PAK2: variants seen among roughly 807,000 people sequenced by gnomAD.
The protein encoded by PAK2 is p21 (RAC1) activated kinase 2.
Under a neutral mutation model 65.9 loss-of-function variants are expected in PAK2, and 21 were observed. The ratio of observed to expected loss-of-function variants is 0.32; its 90% CI spans 0.23 to 0.46. The LOEUF is 0.46. Among genes scored for constraint, PAK2 ranks in the 20% least tolerant of loss-of-function variants. The probability of loss-of-function intolerance (pLI) is 1.00; values close to 1 mark genes in which losing one functional copy is unlikely to be tolerated. For missense variants in PAK2, 324 were observed against 642.6 expected, an observed-to-expected ratio of 0.50 and a Z score of 5.36; for synonymous variants, 204 against 219.7, an observed-to-expected ratio of 0.93 and a Z score of 0.63.
intron 1 of PAK2, among the ~76,000 whole-genome samples, chr3:196,769,449 A>T (rs1233230860): frequency 6.6e-6 from 1 of 152,002 alleles, no homozygotes; most frequent in Non-Finnish European, 1.5e-5. Context: ...GGTGGCATTA[A>T]GTATATTCAA....
intron 8 of PAK2, among the ~76,000 whole-genome samples, chr3:196,811,194 C>A: frequency 1.3e-5 from 1 of 79,250 alleles, no homozygotes; most frequent in Non-Finnish European, 2.6e-5. Context: ...CATATGAATT[C>A]CTTCCTCCCT....
At chr3:196,766,064 T>C (rs928584907) in intron 1 of PAK2, among the ~76,000 whole-genome samples, 2 of 151,912 alleles carry the variant, frequency 1.3e-5, no homozygotes, top group African/African-American at 4.8e-5. Context: ...GCCCACCTAG[T>C]TTTTGTACTT....
At chr3:196,815,806 A>G (rs114899852) in intron 11 of PAK2, among the ~76,000 whole-genome samples, 9,153 of 151,900 alleles carry the variant, frequency 0.06, 325 homozygotes, top group Admixed American at 0.095. Context: ...AAGAGAAAGA[A>G]ATACGCCACT....
chr3:196,819,222 G>T (rs1248611413), intron 12 of PAK2, among the ~76,000 whole-genome samples: 3 of 152,102 alleles, frequency 2.0e-5, no homozygotes, highest in East Asian at 1.9e-4. Context: ...CAGGTGGATT[G>T]CTTGAGCCCA....
chr3:196,766,238 G>C (rs1460429582), intron 1 of PAK2, among the ~76,000 whole-genome samples: 2 of 151,966 alleles, frequency 1.3e-5, no homozygotes, highest in Admixed American at 1.3e-4. Flanking sequence ...TCAAAACTTA[G>C]TACCTTCTCA....
chr3:196,747,994 T>C (rs1713448166), intron 1 of PAK2, among the ~76,000 whole-genome samples: 2 of 152,146 alleles, frequency 1.3e-5, no homozygotes, highest in South Asian at 4.1e-4. Context: ...CTTCAGTGTG[T>C]TTATTTTCCT....
intron 2 of PAK2, among the ~76,000 whole-genome samples, chr3:196,796,027 AG>A (rs2108751702): frequency 1.3e-5 from 2 of 152,328 alleles, no homozygotes; most frequent in South Asian, 4.1e-4. Context: ...TCGCGTGTGC[AG>A]TCCACAGTAG....
At chr3:196,751,458 G>A (rs1285122389) in intron 1 of PAK2, among the ~76,000 whole-genome samples, 1 of 151,392 alleles carries the variant, frequency 6.6e-6, no homozygotes, top group Non-Finnish European at 1.5e-5. Context: ...GACCAGCCTG[G>A]CCAACATGCT....
chr3:196,808,557 C>CA lies in PAK2; in HGVS notation c.709+661dup, dbSNP rs1208200034. Among the ~76,000 whole-genome samples, 447 of 56,450 alleles carry CA rather than the reference C, an allele frequency of 7.9e-3. 11 individuals are homozygous for CA. Among genetic ancestry groups the CA allele is most frequent in the South Asian group, 0.022 (35 of 1,556 alleles). 37.0% of individuals were successfully genotyped at this position (56,450 alleles called of 152,430 possible). A position where few individuals can be genotyped will look rare whatever the true frequency, so the allele number is the denominator to read the frequency against. On this transcript the variant is annotated intron_variant, in intron 7 of 14. Coordinates refer to ENST00000327134, the MANE Select transcript of PAK2 (RefSeq NM_002577.4). ...GCCTGGCAACAGTGAGACTCCATCT[C>CA]AAAAAAAAAAAAAAAAAAGCGAACC...
Position 196,828,911 on chromosome 3 carries a change from T to G in PAK2, c.*506T>G, listed in dbSNP as rs1313912634. On this transcript the variant is annotated 3_prime_UTR_variant, in exon 15 of 15. Coordinates refer to ENST00000327134, the MANE Select transcript of PAK2 (RefSeq NM_002577.4). Reference sequence around the variant, plus strand: ...GTAATAGAAATTATGTAGCTCCTTATGTTGGCAAAGGAGCTCTATATAGTT... The same window carrying G: ...GTAATAGAAATTATGTAGCTCCTTAGGTTGGCAAAGGAGCTCTATATAGTT... 1 of 155,122 alleles carries G rather than the reference T, an allele frequency of 6.4e-6. No individual in the cohort carries two copies. Among genetic ancestry groups the G allele is most frequent in the Non-Finnish European group, 1.4e-5 (1 of 69,966 alleles). The allele number at this position is 155,122 out of a possible 1,614,324, so 9.6% of individuals were successfully genotyped here.
rs150476283 is a variant in PAK2, at chr3:196,756,874, G to A, written c.-22+16717G>A. Among the ~76,000 whole-genome samples the A allele has an allele frequency of 2.4e-3, 372 of 152,284 alleles. 6 individuals are homozygous for A. The highest frequency in any genetic ancestry group is 8.8e-3 in the African/African-American group (364 of 41,564). ...AGAAACAAAATGCTTATTCCTTGGT[G>A]CTGCAATGAAATAGCACTCAGCATA... On this transcript the variant is annotated intron_variant, in intron 1 of 14. Coordinates refer to ENST00000327134, the MANE Select transcript of PAK2 (RefSeq NM_002577.4).
Position 196,752,656 on chromosome 3 carries a change from A to G in PAK2, c.-22+12499A>G, listed in dbSNP as rs552982236. 4.5e-3 allele frequency among the ~76,000 whole-genome samples: 684 copies of G among 150,764 alleles called. 4 individuals carry two copies. Among genetic ancestry groups the G allele is most frequent in the African/African-American group, 0.015 (634 of 41,024 alleles). ...ACTCTGTTGCCCAGGCTGGAGTGCA[A>G]TGGCGCAATCTCAGCTCACTGCAAG... is the stretch of plus-strand genomic sequence containing the variant. On this transcript the variant is annotated intron_variant, in intron 1 of 14. Transcript: ENST00000327134.
At chr3:196,740,730 A>G (rs946002946) in intron 1 of PAK2, among the ~76,000 whole-genome samples, 1 of 152,168 alleles carries the variant, frequency 6.6e-6, no homozygotes, top group African/African-American at 2.4e-5. Flanking sequence ...CCGCTTACGA[A>G]CTGATCTTTC....
intron 8 of PAK2, 127 bp from the exon 9 acceptor site, chr3:196,812,092 T>C: frequency 1.7e-6 from 1 of 600,464 alleles, no homozygotes; most frequent in East Asian, 2.8e-5. Context: ...CTTTTACTCC[T>C]TTTAAGCACG....
chr3:196,811,223 C>CCTTCCTTCCCTCCCTT, intron 8 of PAK2, among the ~76,000 whole-genome samples: 1 of 17,576 alleles, frequency 5.7e-5, no homozygotes, highest in Admixed American at 8.8e-4. Context: ...TTCCCTCCCT[C>CCTTCCTTCCCTCCCTT]CCTTCCCTTC....
At chr3:196,802,584 TG>T (rs1715453819) in intron 3 of PAK2, among the ~76,000 whole-genome samples, 1 of 151,786 alleles carries the variant, frequency 6.6e-6, no homozygotes, top group Non-Finnish European at 1.5e-5. Context: ...GGCTCACGCC[TG>T]TGTAATCCCA....
intron 2 of PAK2, among the ~76,000 whole-genome samples, chr3:196,788,102 T>TA (rs1714955973): frequency 6.6e-6 from 1 of 152,234 alleles, no homozygotes; most frequent in Non-Finnish European, 1.5e-5. Flanking sequence ...TCGCTAGTCT[T>TA]ATGCTAATTG....
At chr3:196,769,533 C>T (rs1002067943) in intron 1 of PAK2, among the ~76,000 whole-genome samples, 12 of 151,740 alleles carry the variant, frequency 7.9e-5, no homozygotes, top group African/African-American at 2.2e-4. Flanking sequence ...GCATCCCGGC[C>T]AGGCGTGGTG....
intron 5 of PAK2, among the ~76,000 whole-genome samples, 162 bp downstream of exon 5, chr3:196,805,545 G>A (rs934195779): frequency 2.6e-5 from 4 of 152,050 alleles, no homozygotes; most frequent in African/African-American, 4.8e-5. Flanking sequence ...TGAAGAAGCC[G>A]TATTAAATAG....
Sources: allele counts gnomAD v4.1 joint callset (sites outside exome capture counted in the v4.1 genomes callset), GRCh38; gene constraint gnomAD v4.1.1; transcripts MANE v1.5; gene names NCBI Gene and HGNC (gene_info 2026-07-23, HGNC 2026-07-21).